Variants in UBE2R2 observed in about 807,000 individuals in gnomAD.
UBE2R2 encodes ubiquitin-conjugating enzyme E2 R2.
A neutral mutation model predicts 27.8 loss-of-function variants in UBE2R2; 1 was observed. The observed-to-expected ratio is 0.04, with a 90% CI of 0.01 to 0.17. The LOEUF (loss-of-function observed/expected upper bound fraction) is 0.17. Ranked by LOEUF, UBE2R2 falls within the 10% of genes least tolerant of loss-of-function variation. UBE2R2 has a pLI of 1.00. For synonymous variants in UBE2R2, 106 were observed against 113.3 expected (o/e 0.94, Z 0.41); for missense variants, 100 against 291.0 (o/e 0.34, Z 4.78).
At chr9:33,911,600 GACC>G (rs1407144716) in intron 3 of UBE2R2, among the ~76,000 whole-genome samples, 1 of 151,996 alleles carries the variant, frequency 6.6e-6, no homozygotes, top group African/African-American at 2.4e-5. Context: ...TGGAACATGT[GACC>G]AGTTGAAACA....
At chr9:33,860,123 AAAAT>A (rs1433777569) in intron 1 of UBE2R2, among the ~76,000 whole-genome samples, 2 of 151,748 alleles carry the variant, frequency 1.3e-5, no homozygotes, top group Non-Finnish European at 1.5e-5. Context: ...TTTTTTTAAA[AAAAT>A]AGCATTTTAG....
At chr9:33,898,022 G>A (rs915758628) in intron 2 of UBE2R2, among the ~76,000 whole-genome samples, 2 of 151,932 alleles carry the variant, frequency 1.3e-5, no homozygotes, top group African/African-American at 2.4e-5. Context: ...TGATCTGCCC[G>A]CCTTGGCTTC....
chr9:33,833,966 C>T (rs1351787210), intron 1 of UBE2R2, among the ~76,000 whole-genome samples: 1 of 152,126 alleles, frequency 6.6e-6, no homozygotes, highest in African/African-American at 2.4e-5. Flanking sequence ...TGTAGCATGT[C>T]TCTGAATTTC....
chr9:33,912,623 C>CA (rs1219104785), intron 4 of UBE2R2, among the ~76,000 whole-genome samples: 6,157 of 122,536 alleles, frequency 0.05, 269 homozygotes, highest in African/African-American at 0.12. Flanking sequence ...GACTCCATCT[C>CA]AAAAAAAAAA....
At chr9:33,902,353 A>C (rs1822262475) in intron 3 of UBE2R2, among the ~76,000 whole-genome samples, 1 of 152,138 alleles carries the variant, frequency 6.6e-6, no homozygotes, top group Admixed American at 6.6e-5. Flanking sequence ...CCGCCTTCTG[A>C]ATCTCTTATC....
chr9:33,845,759 G>C (rs527784275), intron 1 of UBE2R2, among the ~76,000 whole-genome samples: 8 of 152,112 alleles, frequency 5.3e-5, no homozygotes, highest in Non-Finnish European at 8.8e-5. Context: ...TGTAATCCCA[G>C]CACTTTGGGA....
intron 3 of UBE2R2, among the ~76,000 whole-genome samples, chr9:33,907,837 T>TTG (rs869144444): frequency 1.2e-5 from 1 of 82,008 alleles, no homozygotes; most frequent in Admixed American, 1.2e-4. Flanking sequence ...TTTGTTGTTG[T>TTG]TTTTTTTTAA....
chr9:33,910,139 G>A (rs149072182), intron 3 of UBE2R2, among the ~76,000 whole-genome samples: 114 of 152,068 alleles, frequency 7.5e-4, no homozygotes, highest in African/African-American at 2.5e-3. Flanking sequence ...AGCCTATTAC[G>A]CTTTTATTTA....
intron 1 of UBE2R2, among the ~76,000 whole-genome samples, chr9:33,854,501 T>C (rs901497293): frequency 3.3e-5 from 5 of 151,956 alleles, no homozygotes; most frequent in Non-Finnish European, 4.4e-5. Flanking sequence ...TGTATTTTTT[T>C]TGTAGAGACG....
chr9:33,830,967 TGAGTA>T (rs923888172), intron 1 of UBE2R2: 5 of 150,584 alleles, frequency 3.3e-5, no homozygotes, highest in African/African-American at 1.2e-4. Flanking sequence ...ATATTAAGAA[TGAGTA>T]GAGTAGGCTG....
rs769447791 is a variant in UBE2R2, at chr9:33,917,589, A to G, written c.*352A>G. On this transcript the variant is annotated 3_prime_UTR_variant, in exon 5 of 5. Coordinates refer to ENST00000263228, the MANE Select transcript of UBE2R2 (RefSeq NM_017811.4). ...TGTTTTTAGATTCTTGAAGAATTCA[A>G]TAGTCTTTCAAGATGTTTAATGTGT... is the stretch of plus-strand genomic sequence containing the variant. 8 of 451,138 alleles carry G rather than the reference A, an allele frequency of 1.8e-5. No homozygotes were observed. The highest frequency in any genetic ancestry group is 1.1e-4 in the South Asian group (2 of 17,512). The allele number at this position is 451,138 out of a possible 1,614,324, so 27.9% of individuals were successfully genotyped here.
chr9:33,815,230 G>A (rs915499678), upstream of UBE2R2, among the ~76,000 whole-genome samples: 1 of 152,142 alleles, frequency 6.6e-6, no homozygotes, highest in Admixed American at 6.5e-5. Context: ...ACAGAAACAG[G>A]AAAACTGAAT....
At chr9:33,868,178 G>A (rs1821405087) in intron 1 of UBE2R2, among the ~76,000 whole-genome samples, 1 of 152,140 alleles carries the variant, frequency 6.6e-6, no homozygotes, top group South Asian at 2.1e-4. Flanking sequence ...GAAGATAGCC[G>A]AATTTTTCCT....
At chr9:33,865,698 AAAT>A (rs1424988728) in intron 1 of UBE2R2, among the ~76,000 whole-genome samples, 3 of 152,176 alleles carry the variant, frequency 2.0e-5, no homozygotes, top group Admixed American at 6.5e-5. Context: ...ATAACTATGT[AAAT>A]AATAGTTCCG....
intron 1 of UBE2R2, among the ~76,000 whole-genome samples, chr9:33,832,292 G>A (rs1820506792): frequency 1.4e-5 from 2 of 142,390 alleles, no homozygotes; most frequent in Admixed American, 7.4e-5. Context: ...TGGGCAACAA[G>A]AGCGAAAATC....
intron 1 of UBE2R2, among the ~76,000 whole-genome samples, chr9:33,848,605 CTT>C (rs869271677): frequency 5.6e-5 from 8 of 142,980 alleles, no homozygotes; most frequent in African/African-American, 5.1e-5. Flanking sequence ...GCTATAAAAT[CTT>C]TTTTTTTTTT....
intron 1 of UBE2R2, among the ~76,000 whole-genome samples, chr9:33,876,772 C>T (rs945384664): frequency 9.9e-5 from 15 of 152,028 alleles, no homozygotes; most frequent in African/African-American, 3.1e-4. Context: ...AAAATGTAGC[C>T]GGGCATGGTG....
chr9:33,862,465 A>G (rs754352091), intron 1 of UBE2R2, among the ~76,000 whole-genome samples: 1 of 152,168 alleles, frequency 6.6e-6, no homozygotes, highest in Non-Finnish European at 1.5e-5. Flanking sequence ...TTTCTTGTCA[A>G]TAAGCTTGAT....
intron 1 of UBE2R2, among the ~76,000 whole-genome samples, chr9:33,836,525 G>T (rs908065834): frequency 6.6e-6 from 1 of 152,130 alleles, no homozygotes; most frequent in Non-Finnish European, 1.5e-5. Context: ...GGAGGCAGAG[G>T]CACGCAGATC....
Sources: allele counts gnomAD v4.1 joint callset (sites outside exome capture counted in the v4.1 genomes callset), GRCh38; gene constraint gnomAD v4.1.1; transcripts MANE v1.5; gene names NCBI Gene and HGNC (gene_info 2026-07-23, HGNC 2026-07-21).